Variants in FAM83D observed in about 807,000 individuals in gnomAD.
FAM83D encodes protein FAM83D.
FAM83D carries 26 observed loss-of-function variants against 25.4 expected under a neutral mutation model. The ratio of observed to expected loss-of-function variants is 1.02; its 90% CI spans 0.75 to 1.42. The LOEUF is 1.42. Ranked by LOEUF, FAM83D falls within the 40% of genes most tolerant of loss-of-function variation. FAM83D has a pLI of 0.00. For missense variants in FAM83D, 740 were observed against 758.1 expected (o/e 0.98, Z 0.28); for synonymous variants, 310 against 318.5 (o/e 0.97, Z 0.28).
intron 1 of FAM83D, among the ~76,000 whole-genome samples, chr20:38,938,855 C>T (rs569085696): frequency 2.6e-5 from 4 of 152,334 alleles, no homozygotes; most frequent in African/African-American, 9.6e-5. Context: ...AGAATATCCA[C>T]GTGACTGCTG....
intron 1 of FAM83D, among the ~76,000 whole-genome samples, chr20:38,934,493 CAAAAAAAAA>C (rs34435879): frequency 2.6e-5 from 2 of 78,066 alleles, no homozygotes; most frequent in Non-Finnish European, 5.7e-5. Context: ...AACTCCGTCT[CAAAAAAAAA>C]AAAAAAAAAA....
chr20:38,938,455 G>A (rs1386190514), intron 1 of FAM83D, among the ~76,000 whole-genome samples: 1 of 152,238 alleles, frequency 6.6e-6, no homozygotes, highest in Admixed American at 6.5e-5. Flanking sequence ...ACACCTGCCT[G>A]CCTCGATTGG....
intron 1 of FAM83D, among the ~76,000 whole-genome samples, chr20:38,928,784 G>A (rs1433201330): frequency 2.0e-5 from 3 of 152,170 alleles, no homozygotes; most frequent in African/African-American, 7.2e-5. Flanking sequence ...TTTCCAGATA[G>A]AACCTGCTGC....
At chr20:38,942,257 C>T (rs1228288505) in intron 2 of FAM83D, 131 bp downstream of exon 2, 35 of 949,966 alleles carry the variant, frequency 3.7e-5, no homozygotes, top group East Asian at 2.4e-5. Flanking sequence ...AAGTCATTTG[C>T]CTGGTCTTAC....
In FAM83D at chr20:38,952,187, G is replaced by A; in HGVS notation, c.1425G>A (p.Leu475=). The change falls in exon 4 of 4, where the codon TTG becomes TTA. Residue 475 remains leucine (L), a synonymous_variant. Transcript: ENST00000619850. ...SKMSVSRSSS[L]KSSSSVSSQG... ...TGTCTGTATCGAGATCTTCCAGTTT[G>A]AAGTCTTCCTCCTCTGTGTCTTCCC... The A allele has an allele frequency of 6.2e-7, 1 of 1,614,172 alleles. No individual in the cohort carries two copies. The highest frequency in any genetic ancestry group is 1.1e-5 in the South Asian group (1 of 91,086).
At chr20:38,928,491 TA>T (rs2145798470) in intron 1 of FAM83D, among the ~76,000 whole-genome samples, 1 of 152,220 alleles carries the variant, frequency 6.6e-6, no homozygotes, top group South Asian at 2.1e-4. Context: ...GTGAAAAGAT[TA>T]AAAAGATGGA....
intron 1 of FAM83D, among the ~76,000 whole-genome samples, chr20:38,934,070 G>A (rs897543201): frequency 1.3e-5 from 2 of 152,028 alleles, no homozygotes; most frequent in Non-Finnish European, 2.9e-5. Flanking sequence ...CGGCCAGCAT[G>A]GTCTCAAGCT....
intron 1 of FAM83D, among the ~76,000 whole-genome samples, chr20:38,933,025 A>G (rs1174510570): frequency 2.0e-5 from 3 of 152,058 alleles, no homozygotes; most frequent in African/African-American, 4.8e-5. Context: ...TTCTTGCACA[A>G]CTTTCCTCTG....
chr20:38,947,995 C>CT lies in FAM83D; in HGVS notation c.772dup (p.Tyr258LeufsTer14). ...ATGGCATCCGCGTGGCAACAGGCTC[C>CT]TACAGGTAAGTCTCTAACCCGTCCA... On this transcript the variant is annotated frameshift_variant, in exon 3 of 4. Transcript: ENST00000619850. LOFTEE classifies it low-confidence loss of function (END_TRUNC). 1 of 1,614,102 alleles carries CT rather than the reference C, an allele frequency of 6.2e-7. No individual in the cohort carries two copies. The highest frequency in any genetic ancestry group is 8.5e-7 in the Non-Finnish European group (1 of 1,180,004).
intron 2 of FAM83D, among the ~76,000 whole-genome samples, chr20:38,943,175 C>A (rs961218252): frequency 6.6e-6 from 1 of 152,094 alleles, no homozygotes; most frequent in Non-Finnish European, 1.5e-5. Flanking sequence ...CAGGTGCGTA[C>A]CACCACACCT....
chr20:38,941,962 A>G lies in FAM83D; in HGVS notation c.487A>G (p.Ile163Val), dbSNP rs746458768. 6.2e-7 allele frequency: 1 copy of G among 1,613,794 alleles called. No individual in the cohort carries two copies. The highest frequency in any genetic ancestry group is 1.7e-5 in the Admixed American group (1 of 60,028). ...RQQLRSAREV[I>V]AVVMDVFTDI... ...CTCTTCCCTGTTTCACCTGTAGGTG[A>G]TTGCAGTGGTCATGGACGTGTTCAC... The change falls in exon 2 of 4, where the codon ATT (isoleucine) becomes GTT (valine). Residue 163 changes from isoleucine (I) to valine (V), a missense_variant. Ile to Val is a conservative substitution (Grantham distance 29). This residue lies in a region of FAM83D where 333 missense variants were observed against 298.6 expected (regional missense o/e 1.12). Transcript: ENST00000619850.
chr20:38,943,257 C>T (rs4812339), intron 2 of FAM83D, among the ~76,000 whole-genome samples: 19,804 of 152,156 alleles, frequency 0.13, 1,354 homozygotes, highest in Middle Eastern at 0.19. Flanking sequence ...ACTCCTACCT[C>T]AGATGATCTG....
chr20:38,928,227 G>A (rs115042872), intron 1 of FAM83D, among the ~76,000 whole-genome samples: 1,652 of 152,342 alleles, frequency 0.011, 30 homozygotes, highest in African/African-American at 0.033. Context: ...GTTAGGGCTG[G>A]TACCTGAGTG....
chr20:38,933,218 C>T (rs1284932063), intron 1 of FAM83D, among the ~76,000 whole-genome samples: 1 of 152,160 alleles, frequency 6.6e-6, no homozygotes, highest in Non-Finnish European at 1.5e-5. Flanking sequence ...CACTCGATGC[C>T]AATAGCATCC....
At chr20:38,932,509 CAT>C (rs765331849) in intron 1 of FAM83D, among the ~76,000 whole-genome samples, 6 of 152,216 alleles carry the variant, frequency 3.9e-5, no homozygotes, top group Non-Finnish European at 8.8e-5. Context: ...TTTGAGAACC[CAT>C]ATGTTTGTTT....
chr20:38,937,304 A>G (rs2145802914), intron 1 of FAM83D, among the ~76,000 whole-genome samples: 1 of 152,310 alleles, frequency 6.6e-6, no homozygotes, highest in East Asian at 1.9e-4. Context: ...CTTGATGTGC[A>G]AGGGCTGCCT....
intron 1 of FAM83D, among the ~76,000 whole-genome samples, chr20:38,940,850 C>G (rs1172819540): frequency 6.6e-6 from 1 of 152,210 alleles, no homozygotes; most frequent in African/African-American, 2.4e-5. Context: ...ACTGTCTGGA[C>G]GGCTCCAGCT....
At position 38,926,722 on chromosome 20, in the gene FAM83D, C is replaced by T. The variant is rs778924114; in HGVS notation, c.280C>T (p.His94Tyr). Residue 94 changes from histidine to tyrosine, a missense_variant, in exon 1 of 4, where the codon CAC becomes TAC. By Grantham distance (83) the His-to-Tyr change is moderately conservative (BLOSUM62 2). This residue lies in a region of FAM83D where 333 missense variants were observed against 298.6 expected (regional missense o/e 1.12). Transcript: ENST00000619850. Reference sequence around the variant, plus strand: ...GGCCGAGGACTCGTTCGGCTCCTCGCACGACTGCTCTTCGGGCACCTACTT... The same window carrying T: ...GGCCGAGGACTCGTTCGGCTCCTCGTACGACTGCTCTTCGGGCACCTACTT... ...AAAEDSFGSS[H>Y]DCSSGTYFPE... 2.0e-6 allele frequency: 3 copies of T among 1,524,834 alleles called. No homozygotes were observed. The highest frequency in any genetic ancestry group is 1.8e-6 in the Non-Finnish European group (2 of 1,142,770). The allele number at this position is 1,524,834 out of a possible 1,614,324, so 94.5% of individuals were successfully genotyped here. A position where few individuals can be genotyped will look rare whatever the true frequency, so the allele number is the denominator to read the frequency against.
At position 38,953,030 on chromosome 20, in the gene FAM83D, A is replaced by G. The variant is rs2085763811; in HGVS notation, c.*510A>G. The G allele has an allele frequency of 6.5e-6, 1 of 153,714 alleles. No individual in the cohort carries two copies. The highest frequency in any genetic ancestry group is 2.4e-5 in the African/African-American group (1 of 41,460). 9.5% of individuals were successfully genotyped at this position (153,714 alleles called of 1,614,324 possible). A position where few individuals can be genotyped will look rare whatever the true frequency, so the allele number is the denominator to read the frequency against. On this transcript the variant is annotated 3_prime_UTR_variant, in exon 4 of 4. Coordinates refer to ENST00000619850, the MANE Select transcript of FAM83D (RefSeq NM_030919.3). The stretch of plus-strand genomic sequence containing the variant: ...GTGATCAAAATCCTATTTAGAAAAA[A>G]TAAAACTACTTTCTGTTTATCTCTT...
Sources: allele counts gnomAD v4.1 joint callset (sites outside exome capture counted in the v4.1 genomes callset), GRCh38; gene constraint gnomAD v4.1.1; regional missense constraint gnomAD v4.1.1; transcripts MANE v1.5; gene names NCBI Gene and HGNC (gene_info 2026-07-23, HGNC 2026-07-21).